The following NPIPB6 variants were observed in gnomAD, a reference collection of about 807,000 sequenced individuals.
NPIPB6 encodes nuclear pore complex interacting protein family member B6.
A neutral mutation model predicts 20.0 loss-of-function variants in NPIPB6; 2 were observed. The observed-to-expected ratio is 0.10, with a 90% CI of 0.04 to 0.31. The LOEUF (loss-of-function observed/expected upper bound fraction) is 0.31, where lower values mean the gene tolerates loss of function less well. Ranked by LOEUF, NPIPB6 falls within the 10% of genes least tolerant of loss-of-function variation. The probability of loss-of-function intolerance (pLI) is 1.00; values close to 1 mark genes in which losing one functional copy is unlikely to be tolerated. For missense variants in NPIPB6, 96 were observed against 293.7 expected (o/e 0.33, Z 4.92); for synonymous variants, 35 against 116.3 (o/e 0.30, Z 4.50).
At chr16:28,358,695 CTT>C (rs1267582712) in intron 1 of NPIPB6, among the ~76,000 whole-genome samples, 27 of 94,820 alleles carry the variant, frequency 2.8e-4, no homozygotes, top group African/African-American at 1.0e-3. Flanking sequence ...GAGAGAGACT[CTT>C]GTCTCAAAAA....
intron 2 of NPIPB6, among the ~76,000 whole-genome samples, chr16:28,350,577 TCTC>T (rs200940352): frequency 0.07 from 8,192 of 116,768 alleles, 2,348 homozygotes; most frequent in Non-Finnish European, 0.11. Context: ...AAATATTTGT[TCTC>T]ATCATAGGGA....
chr16:28,348,147 C>T (rs2045131228), intron 4 of NPIPB6, among the ~76,000 whole-genome samples: 1 of 111,954 alleles, frequency 8.9e-6, no homozygotes. Context: ...TGTGGTGGCA[C>T]ACACCTGTAA....
chr16:28,343,164 G>C (rs565554658), exon 7 of NPIPB6: 1 of 1,581,438 alleles, frequency 6.3e-7, no homozygotes, highest in East Asian at 2.3e-5. Flanking sequence ...GAAGAATGAC[G>C]ATGCTCCGCT....
chr16:28,345,212 A>G (rs1485018907), intron 4 of NPIPB6, among the ~76,000 whole-genome samples: 1 of 100,000 alleles, frequency 1.0e-5, no homozygotes, highest in African/African-American at 3.3e-5. Flanking sequence ...AAAAACAAAA[A>G]CAAAAAAACT....
chr16:28,355,886 C>T lies in NPIPB6; in HGVS notation c.121-2825G>A, dbSNP rs1372981312. 1.3e-4 allele frequency among the ~76,000 whole-genome samples: 16 copies of T among 121,124 alleles called. 5 individuals are homozygous for T. Among genetic ancestry groups the T allele is most frequent in the South Asian group, 4.9e-4 (2 of 4,078 alleles). The allele number at this position is 121,124 out of a possible 152,430, so 79.5% of individuals were successfully genotyped here. On this transcript the variant is annotated intron_variant, in intron 1 of 6. Coordinates refer to ENST00000532254, the Ensembl canonical transcript of NPIPB6. ...TATTTTGGCCAGGCGCGGTGGCTCACGCCTGTAATCCCAGCACTGGGAGGC... is the reference window on the plus strand; with the variant it reads ...TATTTTGGCCAGGCGCGGTGGCTCATGCCTGTAATCCCAGCACTGGGAGGC...
At position 28,343,053 on chromosome 16, in the gene NPIPB6, A is replaced by G. The variant is rs773947640; in HGVS notation, c.832T>C (p.Ser278Pro). ...TCAGTAGGTGTCTTGAGGCTCAGGG[A>G]GTTATCAGTTATAGAATGTTGTTGA... The change falls in exon 7 of 7, where the codon TCC (serine) becomes CCC (proline). Residue 278 changes from serine to proline, a missense_variant. Ser to Pro is a moderately conservative substitution (Grantham distance 74). Transcript: ENST00000532254. The G allele has an allele frequency of 8.2e-6, 12 of 1,454,612 alleles. 1 individual carries two copies. In the South Asian group the frequency reaches 1.2e-4, roughly 15 times the overall value. The allele number at this position is 1,454,612 out of a possible 1,614,324, so 90.1% of individuals were successfully genotyped here.
Position 28,361,770 on chromosome 16 carries a change from A to ATGTG in NPIPB6, c.120+929_120+932dup, listed in dbSNP as rs1462242029. ...TGTGTGTGTGTGTGTGTGTGTGTGT[A>ATGTG]TGTGTGTGTGTGTGTGTATCTATAT... is the stretch of plus-strand genomic sequence containing the variant. On this transcript the variant is annotated intron_variant, in intron 1 of 6. Transcript: ENST00000532254. Among the ~76,000 whole-genome samples the ATGTG allele has an allele frequency of 3.6e-3, 259 of 72,616 alleles. 1 individual carries two copies. Among genetic ancestry groups the ATGTG allele is most frequent in the African/African-American group, 0.011 (227 of 19,848 alleles). The allele number at this position is 72,616 out of a possible 152,430, so 47.6% of individuals were successfully genotyped here.
intron 1 of NPIPB6, among the ~76,000 whole-genome samples, chr16:28,362,102 ATTT>A (rs765651989): frequency 7.6e-6 from 1 of 131,562 alleles, no homozygotes; most frequent in African/African-American, 2.9e-5. Context: ...TTGCAGGATA[ATTT>A]TTTTTTTTTT....
At chr16:28,346,561 A>T (rs1407596248) in intron 4 of NPIPB6, among the ~76,000 whole-genome samples, 2 of 111,676 alleles carry the variant, frequency 1.8e-5, no homozygotes, top group African/African-American at 3.3e-5. Context: ...TATGTCCTGA[A>T]AATAGGTGAC....
chr16:28,360,676 A>G (rs1435649291), intron 1 of NPIPB6, among the ~76,000 whole-genome samples: 1 of 139,130 alleles, frequency 7.2e-6, no homozygotes, highest in Non-Finnish European at 1.7e-5. Context: ...TTGAAAGTGG[A>G]TGTACCCATG....
At chr16:28,348,086 G>A (rs2045128639) in intron 4 of NPIPB6, among the ~76,000 whole-genome samples, 1 of 112,662 alleles carries the variant, frequency 8.9e-6, no homozygotes, top group Non-Finnish European at 2.0e-5. Flanking sequence ...CTCTAGCCTG[G>A]GTGACAGAGT....
At chr16:28,349,936 C>T (rs375566440) in intron 2 of NPIPB6, among the ~76,000 whole-genome samples, 9 of 103,430 alleles carry the variant, frequency 8.7e-5, no homozygotes, top group Non-Finnish European at 8.6e-5. Flanking sequence ...CGGTAGCTCA[C>T]GCCTGTAATC....
chr16:28,342,708 C>G lies in NPIPB6; in HGVS notation c.1177G>C (p.Glu393Gln), dbSNP rs1352494535. 1.4e-5 allele frequency: 21 copies of G among 1,547,972 alleles called. 1 individual carries two copies. In the East Asian group the frequency reaches 5.2e-4, roughly 38 times the overall value. Residue 393 changes from glutamate to glutamine, a missense_variant, in exon 7 of 7, where the codon GAG (glutamate) becomes CAG (glutamine). This residue lies in a region of NPIPB6 where 8 missense variants were observed against 51.0 expected (regional missense o/e 0.16). Transcript: ENST00000532254. ...TTGGGTAATTGTTGTGCCTCGGCCT[C>G]CCTCTGCCTCTTGGGCTTGGGCGAT... is the stretch of plus-strand genomic sequence containing the variant.
At chr16:28,360,153 A>T (rs1302757007) in intron 1 of NPIPB6, among the ~76,000 whole-genome samples, 1 of 127,562 alleles carries the variant, frequency 7.8e-6, no homozygotes, top group Non-Finnish European at 1.8e-5. Flanking sequence ...GGGCACTGTC[A>T]GTGTGGGAGC....
intron 4 of NPIPB6, among the ~76,000 whole-genome samples, chr16:28,348,579 A>G (rs926935567): frequency 8.5e-6 from 1 of 117,892 alleles, no homozygotes; most frequent in Non-Finnish European, 1.9e-5. Flanking sequence ...CTCAGGAAAA[A>G]AAAAAAGAGA....
At position 28,343,273 on chromosome 16, in the gene NPIPB6, TTGC is replaced by T. The variant is rs1245123731; in HGVS notation, c.697-88_697-86del. On this transcript the variant is annotated intron_variant, in intron 6 of 6. Transcript: ENST00000532254. ...CCACCAACACAGTCTGCACCTTCTG[TTGC>T]TGGTGATAGATTTTTGCACCTTTCC... is the stretch of plus-strand genomic sequence containing the variant. 6 of 1,012,830 alleles carry T rather than the reference TTGC, an allele frequency of 5.9e-6. 1 individual carries two copies. Among genetic ancestry groups the T allele is most frequent in the Non-Finnish European group, 8.6e-6 (6 of 699,616 alleles). The allele number at this position is 1,012,830 out of a possible 1,614,324, so 62.7% of individuals were successfully genotyped here. A position where few individuals can be genotyped will look rare whatever the true frequency, so the allele number is the denominator to read the frequency against.
At chr16:28,359,156 T>G (rs866829581) in intron 1 of NPIPB6, among the ~76,000 whole-genome samples, 2 of 123,284 alleles carry the variant, frequency 1.6e-5, no homozygotes, top group South Asian at 2.7e-4. Flanking sequence ...ACCAAGTAAG[T>G]GGGGGTTGAA....
chr16:28,353,526 TCCTCC>T (rs2141621528), intron 1 of NPIPB6, among the ~76,000 whole-genome samples: 1 of 58,760 alleles, frequency 1.7e-5, no homozygotes, highest in African/African-American at 5.9e-5. Flanking sequence ...CAAGCCATTC[TCCTCC>T]CTCAGCCTCC....
At chr16:28,347,997 C>T (rs2045124127) in intron 4 of NPIPB6, among the ~76,000 whole-genome samples, 1 of 119,258 alleles carries the variant, frequency 8.4e-6, no homozygotes, top group African/African-American at 2.9e-5. Context: ...GTAGTCCCAG[C>T]TACTCAAGAG....
Sources: allele counts gnomAD v4.1 joint callset (sites outside exome capture counted in the v4.1 genomes callset), GRCh38; gene constraint gnomAD v4.1.1; regional missense constraint gnomAD v4.1.1; transcripts MANE v1.5; gene names NCBI Gene and HGNC (gene_info 2026-07-23, HGNC 2026-07-21).